GRID1: variants seen among roughly 807,000 people sequenced by gnomAD.
The protein encoded by GRID1 is glutamate receptor ionotropic, delta-1.
A neutral mutation model predicts 98.0 loss-of-function variants in GRID1; 28 were observed. That is an observed-to-expected ratio of 0.29 (90% CI 0.21 to 0.39). GRID1 has a LOEUF of 0.39. GRID1 is among the 10% of genes least tolerant of loss of function. The probability of loss-of-function intolerance (pLI) is 1.00; values close to 1 mark genes in which losing one functional copy is unlikely to be tolerated. For synonymous variants in GRID1, 553 were observed against 538.5 expected, an observed-to-expected ratio of 1.03 and a Z score of -0.37; for missense variants, 1,111 against 1,340.5, an observed-to-expected ratio of 0.83 and a Z score of 2.67.
At chr10:86,216,120 CT>C (rs1421778634) in intron 2 of GRID1, among the ~76,000 whole-genome samples, 1 of 152,238 alleles carries the variant, frequency 6.6e-6, no homozygotes, top group Non-Finnish European at 1.5e-5. Context: ...CATTATTTGA[CT>C]TTTCCCCTGC....
At chr10:86,031,300 A>G (rs2131892909) in intron 4 of GRID1, among the ~76,000 whole-genome samples, 1 of 152,294 alleles carries the variant, frequency 6.6e-6, no homozygotes, top group South Asian at 2.1e-4. Context: ...AAGCAAACTG[A>G]TGCAAAAACA....
intron 5 of GRID1, among the ~76,000 whole-genome samples, chr10:85,877,603 C>T (rs1307255384): frequency 1.3e-5 from 2 of 152,180 alleles, no homozygotes; most frequent in Non-Finnish European, 2.9e-5. Context: ...AGGACATCCA[C>T]ACCAAAAACC....
intron 2 of GRID1, among the ~76,000 whole-genome samples, chr10:86,251,005 T>A (rs888981428): frequency 1.3e-5 from 2 of 152,126 alleles, no homozygotes; most frequent in African/African-American, 4.8e-5. Context: ...CTAGGAAAAA[T>A]TCTTCTGCCT....
At chr10:86,034,221 T>C (rs1483784148) in intron 4 of GRID1, among the ~76,000 whole-genome samples, 1 of 152,194 alleles carries the variant, frequency 6.6e-6, no homozygotes, top group East Asian at 1.9e-4. Flanking sequence ...AGAAATTTAA[T>C]GCTGAATTGA....
intron 4 of GRID1, among the ~76,000 whole-genome samples, chr10:85,987,788 C>T (rs1842630912): frequency 6.6e-6 from 1 of 151,830 alleles, no homozygotes. Context: ...TCCTCAGGGG[C>T]CTTCCTATAC....
At chr10:86,109,109 A>G (rs962236954) in intron 4 of GRID1, among the ~76,000 whole-genome samples, 1 of 152,190 alleles carries the variant, frequency 6.6e-6, no homozygotes, top group Non-Finnish European at 1.5e-5. Context: ...ACGTTCTTCC[A>G]GCTGTGGTTA....
chr10:86,033,357 G>A lies in GRID1; in HGVS notation c.726+105462C>T, dbSNP rs1589344831. 2.0e-5 allele frequency among the ~76,000 whole-genome samples: 3 copies of A among 152,302 alleles called. No individual in the cohort carries two copies. The East Asian group carries it at 5.8e-4, about 29-fold the overall frequency. On this transcript the variant is annotated intron_variant, in intron 4 of 15. Transcript: ENST00000327946. The stretch of plus-strand genomic sequence containing the variant: ...GCTTGGTACGCTCCTCAGAGGGAGA[G>A]AGGAGCTAGAACAGCTGGTCATGGA...
intron 5 of GRID1, among the ~76,000 whole-genome samples, chr10:85,899,662 T>G (rs1453627481): frequency 6.6e-6 from 1 of 152,134 alleles, no homozygotes; most frequent in Admixed American, 6.5e-5. Flanking sequence ...CAATGTGTCT[T>G]CCCTTGCTTC....
intron 4 of GRID1, among the ~76,000 whole-genome samples, chr10:85,955,215 G>A (rs2185761): frequency 0.12 from 18,619 of 152,130 alleles, 1,296 homozygotes; most frequent in Admixed American, 0.22. Context: ...TCACTCAGTA[G>A]AAACTGAGAC....
At chr10:86,272,317 ACAGT>A (rs1250315495) in intron 2 of GRID1, among the ~76,000 whole-genome samples, 1 of 152,210 alleles carries the variant, frequency 6.6e-6, no homozygotes, top group Non-Finnish European at 1.5e-5. Context: ...ACTCTGGAAA[ACAGT>A]CAAAGGTTTA....
chr10:86,314,230 G>A (rs146920842), intron 2 of GRID1, among the ~76,000 whole-genome samples: 94 of 152,334 alleles, frequency 6.2e-4, no homozygotes, highest in African/African-American at 2.1e-3. Flanking sequence ...GCTTTCAGCT[G>A]GTGCTCAGGG....
rs895676185 is a variant in GRID1 at position 86,138,789 on chromosome 10, C to G, written c.726+30G>C. 8 of 1,564,560 alleles carry G rather than the reference C, an allele frequency of 5.1e-6. No homozygotes were observed. The East Asian group carries it at 1.8e-4, about 35-fold the overall frequency. On this transcript the variant is annotated intron_variant, in intron 4 of 15. Transcript: ENST00000327946. ...CTTCTGCAGAGCCCTGGGCACCAGGCCCCTGAGGCCTCAGGCCCCCATGAC... is the reference window on the plus strand; with the variant it reads ...CTTCTGCAGAGCCCTGGGCACCAGGGCCCTGAGGCCTCAGGCCCCCATGAC...
chr10:85,959,417 G>C (rs570334717), intron 4 of GRID1, among the ~76,000 whole-genome samples: 3 of 152,306 alleles, frequency 2.0e-5, no homozygotes, highest in Admixed American at 1.3e-4. Context: ...TCTGCCTTGA[G>C]ATGTTCAGGG....
chr10:86,018,535 T>A (rs1843007690), intron 4 of GRID1, among the ~76,000 whole-genome samples: 1 of 152,226 alleles, frequency 6.6e-6, no homozygotes, highest in Admixed American at 6.5e-5. Context: ...CCTAGGTTCT[T>A]GATTGCAGCT....
intron 4 of GRID1, among the ~76,000 whole-genome samples, chr10:86,040,770 A>G (rs925295874): frequency 7.2e-5 from 11 of 152,354 alleles, no homozygotes; most frequent in Middle Eastern, 3.4e-3. Flanking sequence ...CAAAGAAATG[A>G]CCAATGTTTA....
chr10:85,832,273 A>C (rs1009879617), intron 8 of GRID1, among the ~76,000 whole-genome samples: 2 of 151,672 alleles, frequency 1.3e-5, no homozygotes, highest in African/African-American at 4.9e-5. Context: ...CTCGTTCAGA[A>C]ATAGAGAAAA....
intron 4 of GRID1, among the ~76,000 whole-genome samples, chr10:86,095,742 G>T (rs1589369509): frequency 6.6e-6 from 1 of 152,276 alleles, no homozygotes; most frequent in East Asian, 1.9e-4. Flanking sequence ...GGTGAACAGG[G>T]AACACTTCCA....
chr10:85,871,794 G>C (rs1318420847), intron 5 of GRID1, among the ~76,000 whole-genome samples: 2 of 152,184 alleles, frequency 1.3e-5, no homozygotes, highest in Non-Finnish European at 2.9e-5. Flanking sequence ...GGGTCTGGGA[G>C]AAAGTAAAAT....
intron 5 of GRID1, among the ~76,000 whole-genome samples, chr10:85,876,556 G>A (rs986535332): frequency 6.6e-6 from 1 of 152,176 alleles, no homozygotes; most frequent in African/African-American, 2.4e-5. Context: ...TCTAGGATTA[G>A]GCCTTGGATA....
Sources: allele counts gnomAD v4.1 joint callset (sites outside exome capture counted in the v4.1 genomes callset), GRCh38; gene constraint gnomAD v4.1.1; transcripts MANE v1.5; gene names NCBI Gene and HGNC (gene_info 2026-07-23, HGNC 2026-07-21).